Variants in ABCD3 observed in about 807,000 individuals in gnomAD.
ABCD3 encodes the protein ATP binding cassette subfamily D member 3.
In ABCD3, 41 loss-of-function variants were observed where a neutral mutation model predicts 105.5. The observed-to-expected ratio is 0.39, with a 90% confidence interval of 0.30 to 0.50. The LOEUF (loss-of-function observed/expected upper bound fraction) is 0.50, where lower values mean the gene tolerates loss of function less well. Ranked by LOEUF, ABCD3 falls within the 20% of genes least tolerant of loss-of-function variation. The probability of loss-of-function intolerance (pLI) is 0.84; values close to 1 mark genes in which losing one functional copy is unlikely to be tolerated. For missense variants in ABCD3, 622 were observed against 806.3 expected (o/e 0.77, Z 2.77); for synonymous variants, 258 against 269.0 (o/e 0.96, Z 0.40).
intron 3 of ABCD3, among the ~76,000 whole-genome samples, chr1:94,467,431 T>C (rs1648205755): frequency 6.6e-6 from 1 of 152,208 alleles, no homozygotes; most frequent in Admixed American, 6.5e-5. Context: ...TATGAGGGCA[T>C]GGACACTATT....
chr1:94,404,576 T>C, the ABCD3 span, among the ~76,000 whole-genome samples: 1 of 152,170 alleles, frequency 6.6e-6, no homozygotes, highest in African/African-American at 2.4e-5. Flanking sequence ...TAATCATGCT[T>C]CCAAGAGTCA....
the ABCD3 span, among the ~76,000 whole-genome samples, chr1:94,397,390 C>T: frequency 6.6e-6 from 1 of 152,230 alleles, no homozygotes; most frequent in African/African-American, 2.4e-5. Context: ...CAGCCTCCTC[C>T]AATCTGTGAT....
intron 13 of ABCD3, among the ~76,000 whole-genome samples, chr1:94,488,258 T>G (rs1312786625): frequency 6.6e-6 from 1 of 152,142 alleles, no homozygotes; most frequent in Non-Finnish European, 1.5e-5. Flanking sequence ...CATGGCAGTC[T>G]TAATTCACAG....
At chr1:94,492,510 G>A (rs889352240) in intron 16 of ABCD3, among the ~76,000 whole-genome samples, 1 of 152,122 alleles carries the variant, frequency 6.6e-6, no homozygotes, top group Admixed American at 6.6e-5. Context: ...AATACAAGAA[G>A]TACAGAAAAT....
At chr1:94,406,341 T>TTTG in the ABCD3 span, 5 of 111,268 alleles carry the variant, frequency 4.5e-5, no homozygotes, top group African/African-American at 4.8e-5. Flanking sequence ...TTTTGTTTTG[T>TTTG]TTTTTTTTTT....
chr1:94,474,546 G>A (rs1182297895), intron 5 of ABCD3, among the ~76,000 whole-genome samples: 1 of 152,108 alleles, frequency 6.6e-6, no homozygotes, highest in Non-Finnish European at 1.5e-5. Flanking sequence ...GGAAGCTGGG[G>A]CTACATAGCT....
At chr1:94,433,066 C>T (rs1016979368) in intron 1 of ABCD3, among the ~76,000 whole-genome samples, 5 of 151,906 alleles carry the variant, frequency 3.3e-5, no homozygotes, top group Non-Finnish European at 7.4e-5. Context: ...CCCTGTTGGT[C>T]AGGCTGGTCT....
At chr1:94,423,978 T>C (rs1021078962) in intron 1 of ABCD3, among the ~76,000 whole-genome samples, 1 of 152,156 alleles carries the variant, frequency 6.6e-6, no homozygotes, top group Admixed American at 6.5e-5. Context: ...GCATGAATCA[T>C]GTGAGGGGCT....
intron 21 of ABCD3, 70 bp from the exon 22 acceptor site, chr1:94,515,076 T>G (rs546820817): frequency 2.4e-6 from 3 of 1,235,660 alleles, no homozygotes; most frequent in East Asian, 2.3e-5. Context: ...CTTAACAGCT[T>G]AAAGTACATG....
chr1:94,517,652 T>G lies in ABCD3; in HGVS notation c.*523T>G, dbSNP rs183336788. The G allele has an allele frequency of 1.8e-3, 296 of 162,980 alleles. No homozygotes were observed. The highest frequency in any genetic ancestry group is 3.3e-3 in the Non-Finnish European group (245 of 74,288). 10.1% of individuals were successfully genotyped at this position (162,980 alleles called of 1,614,324 possible). A position where few individuals can be genotyped will look rare whatever the true frequency, so the allele number is the denominator to read the frequency against. ...CAGCGTTTATTATACAGTGGCAGAT[T>G]TCTTTAGCTGCCACAGTAATACTCA... On this transcript the variant is annotated 3_prime_UTR_variant, in exon 23 of 23. Coordinates refer to ENST00000370214, the MANE Select transcript of ABCD3 (RefSeq NM_002858.4).
chr1:94,414,630 T>C (rs1570719740), upstream of ABCD3, among the ~76,000 whole-genome samples: 1 of 152,290 alleles, frequency 6.6e-6, no homozygotes, highest in South Asian at 2.1e-4. Flanking sequence ...GTTGGATTGG[T>C]GTTTCAGACC....
chr1:94,484,853 C>T (rs1175595399), intron 10 of ABCD3, among the ~76,000 whole-genome samples: 1 of 151,966 alleles, frequency 6.6e-6, no homozygotes, highest in East Asian at 1.9e-4. Flanking sequence ...TTAGTGATTC[C>T]CACAGAAAGA....
intron 1 of ABCD3, among the ~76,000 whole-genome samples, chr1:94,453,492 G>A (rs1300224198): frequency 2.0e-5 from 3 of 151,810 alleles, no homozygotes; most frequent in South Asian, 2.1e-4. Flanking sequence ...CTAATTTTTT[G>A]TATTTTTAGT....
chr1:94,460,604 TAAC>T (rs1329624413), intron 2 of ABCD3, among the ~76,000 whole-genome samples: 5 of 152,240 alleles, frequency 3.3e-5, no homozygotes, highest in Non-Finnish European at 5.9e-5. Flanking sequence ...ATGGTATCCT[TAAC>T]AAATAAGAAA....
intron 4 of ABCD3, among the ~76,000 whole-genome samples, chr1:94,472,780 C>T (rs1377721402): frequency 6.6e-6 from 1 of 152,086 alleles, no homozygotes; most frequent in African/African-American, 2.4e-5. Flanking sequence ...GCGTGGGCAG[C>T]TAGGTTTAAA....
At chr1:94,505,834 A>G (rs1650325543) in intron 20 of ABCD3, among the ~76,000 whole-genome samples, 1 of 152,110 alleles carries the variant, frequency 6.6e-6, no homozygotes, top group African/African-American at 2.4e-5. Flanking sequence ...TAAATTAAGG[A>G]TAGAAGAGTG....
At chr1:94,486,375 G>A (rs143228524) in intron 10 of ABCD3, among the ~76,000 whole-genome samples, 96 of 152,218 alleles carry the variant, frequency 6.3e-4, no homozygotes, top group Non-Finnish European at 1.1e-3. Flanking sequence ...TACTAGTTAT[G>A]CTCTTTCATT....
At chr1:94,507,135 C>A (rs1268824297) in intron 21 of ABCD3, among the ~76,000 whole-genome samples, 4 of 151,640 alleles carry the variant, frequency 2.6e-5, no homozygotes, top group Non-Finnish European at 5.9e-5. Flanking sequence ...TGCTATCCCT[C>A]CCCCCTTCCC....
the ABCD3 span, among the ~76,000 whole-genome samples, chr1:94,406,240 C>A: frequency 6.6e-6 from 1 of 151,312 alleles, no homozygotes; most frequent in Non-Finnish European, 1.5e-5. Flanking sequence ...TTTTTATATG[C>A]ACTTGTCTCC....
Sources: allele counts gnomAD v4.1 joint callset (sites outside exome capture counted in the v4.1 genomes callset), GRCh38; gene constraint gnomAD v4.1.1; transcripts MANE v1.5; gene names NCBI Gene and HGNC (gene_info 2026-07-23, HGNC 2026-07-21).